Variants in FYTTD1 observed in about 807,000 individuals in gnomAD.
FYTTD1 encodes forty-two-three domain containing 1.
In FYTTD1, 22 loss-of-function variants were observed where a neutral mutation model predicts 40.9. The ratio of observed to expected loss-of-function variants is 0.54; its 90% CI spans 0.38 to 0.77. The LOEUF (loss-of-function observed/expected upper bound fraction) is 0.77, where lower values mean the gene tolerates loss of function less well. Ranked by LOEUF, FYTTD1 falls within the 30% of genes least tolerant of loss-of-function variation. The pLI is 0.00. For missense variants in FYTTD1, 351 were observed against 392.2 expected (o/e 0.90, Z 0.89); for synonymous variants, 140 against 137.9 (o/e 1.01, Z -0.10).
At chr3:197,757,224 C>T (rs903739765) in intron 2 of FYTTD1, among the ~76,000 whole-genome samples, 2 of 152,126 alleles carry the variant, frequency 1.3e-5, no homozygotes, top group African/African-American at 2.4e-5. Flanking sequence ...AATCTGGAAG[C>T]TTATTTATAA....
rs1730060091 is a variant in FYTTD1, at chr3:197,782,730, G to C, written c.*821G>C. ...TCAAAACCCTGGTTATAGATGTACT[G>C]TTTGGATGTAGCATAGTCTTGAGTC... On this transcript the variant is annotated 3_prime_UTR_variant, in exon 9 of 9. Transcript: ENST00000241502. The C allele has an allele frequency of 6.6e-6, 1 of 152,164 alleles. No individual in the cohort carries two copies. The highest frequency in any genetic ancestry group is 1.5e-5 in the Non-Finnish European group (1 of 68,022). 9.4% of individuals were successfully genotyped at this position (152,164 alleles called of 1,614,324 possible).
intron 2 of FYTTD1, among the ~76,000 whole-genome samples, chr3:197,767,466 A>T (rs1327386262): frequency 1.3e-5 from 2 of 149,536 alleles, no homozygotes; most frequent in African/African-American, 4.9e-5. Flanking sequence ...ACTAGAAAAA[A>T]GTATTTACTT....
At position 197,774,973 on chromosome 3, in the gene FYTTD1, T is replaced by C. The variant is rs567010121; in HGVS notation, c.656+763T>C. Among the ~76,000 whole-genome samples, 7 of 152,378 alleles carry C rather than the reference T, an allele frequency of 4.6e-5. No individual in the cohort carries two copies. In the South Asian group the frequency reaches 1.4e-3, roughly 32 times the overall value. On this transcript the variant is annotated intron_variant, in intron 6 of 8. Coordinates refer to ENST00000241502, the MANE Select transcript of FYTTD1 (RefSeq NM_032288.7). ...TTTGTTAATTTTCCCCAAAAACCTT[T>C]TGAGTTTTCATGTGTCGATATTGTA...
intron 2 of FYTTD1, among the ~76,000 whole-genome samples, chr3:197,758,803 T>A (rs1298920107): frequency 1.3e-5 from 2 of 152,214 alleles, no homozygotes; most frequent in Non-Finnish European, 2.9e-5. Context: ...AAGTTCAGAT[T>A]TCCACGTTGT....
Position 197,781,792 on chromosome 3 carries a change from G to GTTT in FYTTD1, c.859-14_859-12dup. On this transcript the variant is annotated intron_variant, in intron 8 of 8. Coordinates refer to ENST00000241502, the MANE Select transcript of FYTTD1 (RefSeq NM_032288.7). ...TAATTGTTGCTTTGTTGTTGTTTTTGTTTTTTTCTTTTCTCTAGACAGGGA... is the reference window on the plus strand; with the variant it reads ...TAATTGTTGCTTTGTTGTTGTTTTTGTTTTTTTTTTCTTTTCTCTAGACAGGGA... 6.4e-7 allele frequency: 1 copy of GTTT among 1,565,234 alleles called. No individual in the cohort carries two copies. Among genetic ancestry groups the GTTT allele is most frequent in the African/African-American group, 1.4e-5 (1 of 73,500 alleles).
chr3:197,750,403 C>T, intron 1 of FYTTD1: 3 of 1,058,898 alleles, frequency 2.8e-6, no homozygotes, highest in Non-Finnish European at 3.4e-6. Context: ...GCTCGCCGCT[C>T]GCCGGCTCTT....
intron 4 of FYTTD1, among the ~76,000 whole-genome samples, chr3:197,771,486 C>T (rs1325799748): frequency 6.6e-6 from 1 of 151,912 alleles, no homozygotes; most frequent in Non-Finnish European, 1.5e-5. Context: ...ACTGAAAATG[C>T]AAAAATTAGG....
chr3:197,768,494 T>TC lies in FYTTD1; in HGVS notation c.293dup (p.Asn99Ter). The TC allele has an allele frequency of 6.2e-7, 1 of 1,612,856 alleles. No homozygotes were observed. The highest frequency in any genetic ancestry group is 8.5e-7 in the Non-Finnish European group (1 of 1,178,968). ...GAAGAGTAATGCCTGGAAAGAGACG[T>TC]CCTAATGGAGTTATCACTGGCCTTG... On this transcript the variant is annotated frameshift_variant, in exon 3 of 9. Coordinates refer to ENST00000241502, the MANE Select transcript of FYTTD1 (RefSeq NM_032288.7). LOFTEE classifies it high-confidence loss of function.
intron 7 of FYTTD1, among the ~76,000 whole-genome samples, chr3:197,777,468 G>C (rs544286318): frequency 5.3e-5 from 8 of 152,178 alleles, no homozygotes; most frequent in African/African-American, 1.9e-4. Flanking sequence ...TGAACTCCTA[G>C]ACTTAAGCAG....
At chr3:197,773,223 A>G (rs1729767921) in intron 4 of FYTTD1, among the ~76,000 whole-genome samples, 180 bp from the exon 5 acceptor site, 1 of 152,222 alleles carries the variant, frequency 6.6e-6, no homozygotes, top group Admixed American at 6.5e-5. Flanking sequence ...TATGCTTCGG[A>G]GGGAGGTATT....
chr3:197,750,203 C>G, intron 1 of FYTTD1, 129 bp downstream of exon 1: 1 of 859,956 alleles, frequency 1.2e-6, no homozygotes, highest in Non-Finnish European at 1.7e-6. Context: ...TGGGCGGACC[C>G]GAGCGGAGGC....
chr3:197,777,009 GTTTC>G lies in FYTTD1; in HGVS notation c.731+16_731+19del, dbSNP rs374472675. ...AGCAGTGCAATGCCCAGTGTAAGTTGTTTCTTTCTTTTTGCAAAAATTATAACCT... is the reference window on the plus strand; with the variant it reads ...AGCAGTGCAATGCCCAGTGTAAGTTGTTTCTTTTTGCAAAAATTATAACCT... On this transcript the variant is annotated intron_variant, in intron 7 of 8. Transcript: ENST00000241502. The G allele has an allele frequency of 6.4e-5, 102 of 1,584,178 alleles. No individual in the cohort carries two copies. In the African/African-American group the frequency reaches 7.4e-4, roughly 12 times the overall value.
intron 2 of FYTTD1, among the ~76,000 whole-genome samples, chr3:197,762,647 C>A (rs1372916459): frequency 6.6e-6 from 1 of 151,940 alleles, no homozygotes; most frequent in East Asian, 1.9e-4. Flanking sequence ...CTTTGGGAGG[C>A]CGAGGCAGGC....
Position 197,778,435 on chromosome 3 carries a change from C to G in FYTTD1, c.829C>G (p.Gln277Glu), listed in dbSNP as rs1729936552. 6.2e-7 allele frequency: 1 copy of G among 1,608,840 alleles called. No homozygotes were observed. Among genetic ancestry groups the G allele is most frequent in the Non-Finnish European group, 8.5e-7 (1 of 1,176,370 alleles). ...VKKVPKGVPL[Q>E]FDINSVGKQT... ...GAAAGTTCCTAAAGGTGTTCCCCTG[C>G]AGTTTGACATAAACAGTGTCGGAAA... is the stretch of plus-strand genomic sequence containing the variant. Residue 277 changes from glutamine to glutamate, a missense_variant, in exon 8 of 9, where the codon CAG becomes GAG. Coordinates refer to ENST00000241502, the MANE Select transcript of FYTTD1 (RefSeq NM_032288.7).
In FYTTD1 at chr3:197,786,100, T is replaced by C. The variant is rs1017333467; in HGVS notation, c.*4191T>C. On this transcript the variant is annotated 3_prime_UTR_variant, in exon 9 of 9. Coordinates refer to ENST00000241502, the MANE Select transcript of FYTTD1 (RefSeq NM_032288.7). ...CCACAGTTTATTTTCTTTTTTCTTT[T>C]TCTTTTTTTTTTTTTCTTTTTTTTC... The C allele has an allele frequency of 1.4e-5, 2 of 144,432 alleles. No individual in the cohort carries two copies. The highest frequency in any genetic ancestry group is 2.0e-4 in the East Asian group (1 of 5,012). 8.9% of individuals were successfully genotyped at this position (144,432 alleles called of 1,614,324 possible).
chr3:197,749,781 C>T (rs960273830), upstream of FYTTD1: 70 of 537,956 alleles, frequency 1.3e-4, 1 homozygote, highest in Admixed American at 1.1e-3. Flanking sequence ...GAGCGAGTCA[C>T]GGCGCGGGGC....
At chr3:197,775,100 A>G (rs1580466325) in intron 6 of FYTTD1, among the ~76,000 whole-genome samples, 2 of 151,922 alleles carry the variant, frequency 1.3e-5, no homozygotes, top group Non-Finnish European at 2.9e-5. Flanking sequence ...TTTTTTTGCT[A>G]TAACTGCTTT....
chr3:197,770,320 T>A (rs1729681040), intron 4 of FYTTD1, 76 bp downstream of exon 4: 2 of 903,376 alleles, frequency 2.2e-6, no homozygotes, highest in East Asian at 5.3e-5. Context: ...AAGAATGGAT[T>A]TGCAGTGATT....
At chr3:197,774,038 G>C in intron 5 of FYTTD1, 111 bp from the exon 6 acceptor site, 1 of 868,122 alleles carries the variant, frequency 1.2e-6, no homozygotes, top group Non-Finnish European at 1.9e-6. Flanking sequence ...AGGCACCTCC[G>C]CTGCACTCAT....
Sources: gnomAD v4.1 joint callset for allele counts (sites outside exome capture counted in the v4.1 genomes callset) on GRCh38, gnomAD v4.1.1 for gene constraint, MANE v1.5 for transcripts, NCBI Gene and HGNC (gene_info 2026-07-23, HGNC 2026-07-21) for gene names.